Variants in GRM5 observed in about 807,000 individuals in gnomAD.
The protein encoded by GRM5 is metabotropic glutamate receptor 5.
GRM5 carries 19 observed loss-of-function variants against 83.1 expected under a neutral mutation model. The ratio of observed to expected loss-of-function variants is 0.23; its 90% confidence interval spans 0.16 to 0.34. The LOEUF is 0.34. Among genes scored for constraint, GRM5 ranks in the 10% least tolerant of loss-of-function variants. The probability of loss-of-function intolerance (pLI) is 1.00; values close to 1 mark genes in which losing one functional copy is unlikely to be tolerated. For missense variants in GRM5, 1,160 were observed against 1,588.3 expected, an observed-to-expected ratio of 0.73 and a Z score of 4.58; for synonymous variants, 675 against 633.6, an observed-to-expected ratio of 1.07 and a Z score of -0.98.
chr11:88,697,380 T>G (rs1038713111), intron 3 of GRM5, among the ~76,000 whole-genome samples: 3 of 152,224 alleles, frequency 2.0e-5, no homozygotes, highest in Non-Finnish European at 4.4e-5. Context: ...GAGGACCATT[T>G]ATGTTTTGCA....
intron 2 of GRM5, among the ~76,000 whole-genome samples, chr11:89,001,079 C>T (rs978106156): frequency 2.6e-5 from 4 of 151,542 alleles, no homozygotes; most frequent in African/African-American, 9.7e-5. Context: ...GTCATTTATA[C>T]ATTATTCATG....
intron 2 of GRM5, among the ~76,000 whole-genome samples, chr11:88,851,663 C>T (rs2133444): frequency 6.6e-6 from 1 of 152,186 alleles, no homozygotes; most frequent in Admixed American, 6.5e-5. Flanking sequence ...GATGTGGGTG[C>T]TACCATACCA....
intron 3 of GRM5, among the ~76,000 whole-genome samples, chr11:88,715,819 C>CCAAT (rs1473891150): frequency 6.6e-6 from 1 of 151,918 alleles, no homozygotes; most frequent in Non-Finnish European, 1.5e-5. Context: ...AAAGAAGAAT[C>CCAAT]CAATCAGTGC....
intron 7 of GRM5, among the ~76,000 whole-genome samples, chr11:88,572,799 T>C (rs1943030407): frequency 6.6e-6 from 1 of 152,148 alleles, no homozygotes; most frequent in African/African-American, 2.4e-5. Flanking sequence ...ATCCTTACTG[T>C]AATGGTAAGT....
chr11:88,724,011 T>C (rs1279039981), intron 3 of GRM5, among the ~76,000 whole-genome samples: 1 of 152,168 alleles, frequency 6.6e-6, no homozygotes, highest in Non-Finnish European at 1.5e-5. Context: ...GTACTGAGAA[T>C]GCCCTTTTAA....
intron 3 of GRM5, among the ~76,000 whole-genome samples, chr11:88,794,158 T>C (rs898434215): frequency 6.6e-6 from 1 of 152,150 alleles, no homozygotes; most frequent in Non-Finnish European, 1.5e-5. Context: ...ACCTGGAACA[T>C]GCATGTTCTT....
At chr11:88,595,902 T>C (rs1178811882) in intron 6 of GRM5, among the ~76,000 whole-genome samples, 1 of 152,208 alleles carries the variant, frequency 6.6e-6, no homozygotes, top group East Asian at 1.9e-4. Context: ...CCGTATTTAT[T>C]TTTTATTTAC....
At chr11:89,000,109 G>T (rs1228826149) in intron 2 of GRM5, among the ~76,000 whole-genome samples, 1 of 151,996 alleles carries the variant, frequency 6.6e-6, no homozygotes, top group African/African-American at 2.4e-5. Context: ...GAAGGGGGAG[G>T]GATAGCATTA....
intron 2 of GRM5, among the ~76,000 whole-genome samples, chr11:88,920,792 A>G (rs1197741704): frequency 1.3e-5 from 2 of 152,180 alleles, no homozygotes; most frequent in Non-Finnish European, 2.9e-5. Context: ...TACATGTGCC[A>G]TGGTGGTTTG....
At chr11:88,848,142 A>G (rs1168892953) in intron 3 of GRM5, among the ~76,000 whole-genome samples, 1 of 152,204 alleles carries the variant, frequency 6.6e-6, no homozygotes, top group East Asian at 1.9e-4. Context: ...TTCAGAATAC[A>G]GTATAAGAAT....
chr11:88,630,794 T>C (rs1459832718), intron 4 of GRM5, among the ~76,000 whole-genome samples: 1 of 152,130 alleles, frequency 6.6e-6, no homozygotes, highest in Non-Finnish European at 1.5e-5. Context: ...GTCAGGCTGG[T>C]CTCGAACTCG....
intron 3 of GRM5, among the ~76,000 whole-genome samples, chr11:88,787,439 T>C (rs1236062969): frequency 6.6e-6 from 1 of 152,108 alleles, no homozygotes; most frequent in Non-Finnish European, 1.5e-5. Flanking sequence ...GTAGGAGACA[T>C]GATAAGGCAT....
intron 7 of GRM5, among the ~76,000 whole-genome samples, chr11:88,571,164 G>T (rs1942992199): frequency 6.6e-6 from 1 of 151,942 alleles, no homozygotes; most frequent in Non-Finnish European, 1.5e-5. Flanking sequence ...TAAATACTTT[G>T]CATAGAATAA....
intron 4 of GRM5, among the ~76,000 whole-genome samples, chr11:88,638,769 C>G: frequency 6.6e-6 from 1 of 152,112 alleles, no homozygotes; most frequent in Middle Eastern, 3.4e-3. Context: ...TAAAGTTGCT[C>G]ATAGTATTTA....
intron 6 of GRM5, among the ~76,000 whole-genome samples, chr11:88,594,095 A>G (rs905307393): frequency 3.9e-5 from 6 of 152,088 alleles, no homozygotes; most frequent in African/African-American, 1.4e-4. Flanking sequence ...GCCCGGCCCT[A>G]GAAGTTACGT....
chr11:88,919,597 C>T (rs185705978), intron 2 of GRM5, among the ~76,000 whole-genome samples: 5 of 151,790 alleles, frequency 3.3e-5, no homozygotes, highest in Admixed American at 3.3e-4. Flanking sequence ...GCAGAATATA[C>T]ATTCTTTTCC....
intron 2 of GRM5, among the ~76,000 whole-genome samples, chr11:89,008,797 T>C (rs557659648): frequency 6.6e-6 from 1 of 152,264 alleles, no homozygotes; most frequent in African/African-American, 2.4e-5. Context: ...CCATAAGTAA[T>C]GATTTACAGT....
At chr11:88,843,754 G>C (rs1944248658) in intron 3 of GRM5, among the ~76,000 whole-genome samples, 1 of 152,192 alleles carries the variant, frequency 6.6e-6, no homozygotes, top group South Asian at 2.1e-4. Context: ...TGTGAATATA[G>C]AGAAATGATA....
chr11:89,049,778 A>G (rs1480794484), intron 1 of GRM5, among the ~76,000 whole-genome samples: 1 of 152,224 alleles, frequency 6.6e-6, no homozygotes, highest in Non-Finnish European at 1.5e-5. Context: ...TTTTGGTACA[A>G]AAGTTGGCAT....
Sources: gnomAD v4.1 joint callset for allele counts (sites outside exome capture counted in the v4.1 genomes callset) on GRCh38, gnomAD v4.1.1 for gene constraint, MANE v1.5 for transcripts, NCBI Gene and HGNC (gene_info 2026-07-23, HGNC 2026-07-21) for gene names.